The following RASSF6 variants were observed in gnomAD, a reference collection of about 807,000 sequenced individuals.
The protein encoded by RASSF6 is Ras association domain family member 6.
Under a neutral mutation model 44.0 loss-of-function variants are expected in RASSF6, and 52 were observed. That is an observed-to-expected ratio of 1.18 (90% confidence interval 0.95 to 1.49). The LOEUF (loss-of-function observed/expected upper bound fraction) is 1.49, where lower values mean the gene tolerates loss of function less well. Among genes scored for constraint, RASSF6 ranks in the 40% most tolerant of loss-of-function variants. RASSF6 has a pLI of 0.00. For synonymous variants in RASSF6, 162 were observed against 124.6 expected, an observed-to-expected ratio of 1.30 and a Z score of -2.00; for missense variants, 464 against 393.3, an observed-to-expected ratio of 1.18 and a Z score of -1.52.
rs572755171 is a variant in RASSF6, at chr4:73,591,039, G to A, written c.287+2412C>T. 9.2e-5 allele frequency among the ~76,000 whole-genome samples: 14 copies of A among 152,240 alleles called. No individual in the cohort carries two copies. In the South Asian group the frequency reaches 2.9e-3, roughly 32 times the overall value. ...GAAACTCATCCAAAAATTCAGAATT[G>A]CTAGGAACAAGTGTTTTAAATTTGA... On this transcript the variant is annotated intron_variant, in intron 4 of 10. Transcript: ENST00000307439.
chr4:73,576,337 T>A (rs1463452301), intron 10 of RASSF6, 27 bp from the exon 11 acceptor site: 1 of 1,503,948 alleles, frequency 6.6e-7, no homozygotes, highest in South Asian at 1.2e-5. Flanking sequence ...GAAAGACTAT[T>A]AAAAATTGGA....
rs1404352780 is a variant in RASSF6 at position 73,571,944 on chromosome 4, TA to T, written c.*4290del. ...TAAACTATTTTTTTCCCAGAAATTGTATGAGCTATACATTGCTATGTAACAA... is the reference window on the plus strand; with the variant it reads ...TAAACTATTTTTTTCCCAGAAATTGTTGAGCTATACATTGCTATGTAACAA... On this transcript the variant is annotated 3_prime_UTR_variant, in exon 11 of 11. Coordinates refer to ENST00000307439, the MANE Select transcript of RASSF6 (RefSeq NM_177532.5). 2.0e-5 allele frequency: 3 copies of T among 152,230 alleles called. No individual in the cohort carries two copies. The highest frequency in any genetic ancestry group is 7.2e-5 in the African/African-American group (3 of 41,458). 9.4% of individuals were successfully genotyped at this position (152,230 alleles called of 1,614,324 possible). A position where few individuals can be genotyped will look rare whatever the true frequency, so the allele number is the denominator to read the frequency against.
At chr4:73,620,480 G>T (rs745627507), upstream of RASSF6, 2 of 1,546,450 alleles carry the variant, frequency 1.3e-6, no homozygotes, top group Admixed American at 2.0e-5. Context: ...CAGGGGCGGC[G>T]CCTGTCTCCT....
intron 1 of RASSF6, chr4:73,615,962 C>G (rs924183220): frequency 2.6e-6 from 4 of 1,543,580 alleles, no homozygotes; most frequent in East Asian, 2.4e-5. Flanking sequence ...TCAAATGGGT[C>G]AGTCATTTAA....
intron 6 of RASSF6, among the ~76,000 whole-genome samples, chr4:73,582,986 T>G (rs919234650): frequency 1.2e-4 from 19 of 152,134 alleles, no homozygotes; most frequent in African/African-American, 4.3e-4. Context: ...AGAGCATTGA[T>G]AAGTTATTCT....
chr4:73,602,976 T>C (rs1725381305), intron 2 of RASSF6, among the ~76,000 whole-genome samples: 1 of 152,054 alleles, frequency 6.6e-6, no homozygotes, highest in Non-Finnish European at 1.5e-5. Context: ...TAGTCCCAGC[T>C]ACTCAGGAGG....
intron 2 of RASSF6, among the ~76,000 whole-genome samples, chr4:73,610,371 CT>C (rs1387437639): frequency 6.6e-6 from 1 of 152,176 alleles, no homozygotes; most frequent in Non-Finnish European, 1.5e-5. Flanking sequence ...CTCTTGTCCC[CT>C]CTCTACTCTG....
chr4:73,606,638 A>G (rs1725658098), intron 2 of RASSF6, among the ~76,000 whole-genome samples: 1 of 18,308 alleles, frequency 5.5e-5, no homozygotes, highest in Non-Finnish European at 1.2e-4. Context: ...CAAGCCTTAT[A>G]GTTTTTTTTT....
chr4:73,616,887 T>G (rs1400765845), intron 1 of RASSF6, among the ~76,000 whole-genome samples: 1 of 152,110 alleles, frequency 6.6e-6, no homozygotes, highest in African/African-American at 2.4e-5. Flanking sequence ...AACCTTGGAG[T>G]AGAGAAGAGC....
chr4:73,607,739 TCCA>T (rs74680878), intron 2 of RASSF6, among the ~76,000 whole-genome samples: 145,334 of 147,288 alleles, frequency 0.99, 71,733 homozygotes, highest in Middle Eastern at 1. Context: ...TAAAGAACCC[TCCA>T]GGTGGTTCTG....
chr4:73,573,375 AC>A lies in RASSF6; in HGVS notation c.*2859del. Reference sequence around the variant, plus strand: ...AATCCCAACCTCAAGTGATCCACCTACCTTGGCCTCCTAAAGTGCTGGGATT... The same window carrying A: ...AATCCCAACCTCAAGTGATCCACCTACTTGGCCTCCTAAAGTGCTGGGATT... On this transcript the variant is annotated 3_prime_UTR_variant, in exon 11 of 11. Transcript: ENST00000307439. 3.9e-5 allele frequency: 6 copies of A among 152,244 alleles called. No homozygotes were observed. In the South Asian group the frequency reaches 1.2e-3, roughly 32 times the overall value. The allele number at this position is 152,244 out of a possible 1,614,324, so 9.4% of individuals were successfully genotyped here.
chr4:73,614,358 G>A (rs1726210507), intron 1 of RASSF6, among the ~76,000 whole-genome samples: 1 of 152,184 alleles, frequency 6.6e-6, no homozygotes, highest in Non-Finnish European at 1.5e-5. Flanking sequence ...TAACAGGTGA[G>A]GACTTTAGGA....
intron 3 of RASSF6, among the ~76,000 whole-genome samples, chr4:73,594,311 T>C (rs887598254): frequency 6.6e-6 from 1 of 152,246 alleles, no homozygotes; most frequent in Non-Finnish European, 1.5e-5. Flanking sequence ...ACAAAAGTCA[T>C]ATGCCAGCCA....
intron 3 of RASSF6, among the ~76,000 whole-genome samples, chr4:73,593,919 T>A (rs1288968174): frequency 6.6e-6 from 1 of 152,208 alleles, no homozygotes; most frequent in East Asian, 1.9e-4. Context: ...TTGTTTAATT[T>A]AAAATTAAAG....
intron 1 of RASSF6, among the ~76,000 whole-genome samples, chr4:73,612,301 TCTC>T (rs1037115649): frequency 2.6e-5 from 4 of 152,116 alleles, no homozygotes; most frequent in African/African-American, 9.7e-5. Flanking sequence ...ATGTGAATAA[TCTC>T]CTCCTTTATA....
rs555025268 is a variant in RASSF6, at chr4:73,619,779, A to G, written c.-35+509T>C. 4.0e-5 allele frequency among the ~76,000 whole-genome samples: 6 copies of G among 150,876 alleles called. No homozygotes were observed. The East Asian group carries it at 8.2e-4, about 21-fold the overall frequency. On this transcript the variant is annotated intron_variant, in intron 1 of 10. Transcript: ENST00000307439. ...ATTTCATTGTTTGGTGAGCGCTTAT[A>G]TTGAAAATTCATTTTTTTTTTGGTG...
intron 8 of RASSF6, among the ~76,000 whole-genome samples, chr4:73,581,230 T>TA (rs573274957): frequency 7.2e-5 from 11 of 152,302 alleles, no homozygotes; most frequent in Admixed American, 2.0e-4. Flanking sequence ...TGTGAAGTTT[T>TA]AAAAACTTTC....
At chr4:73,600,183 C>T (rs1005532268) in intron 2 of RASSF6, among the ~76,000 whole-genome samples, 4 of 152,118 alleles carry the variant, frequency 2.6e-5, no homozygotes, top group Non-Finnish European at 1.5e-5. Flanking sequence ...TTACTTATTT[C>T]CTTATGTTCT....
upstream of RASSF6, chr4:73,620,437 AC>A: frequency 1.3e-6 from 2 of 1,545,876 alleles, no homozygotes; most frequent in South Asian, 2.4e-5. Flanking sequence ...CGAGTCACTC[AC>A]CTGTAGGGGA....
Sources: allele counts gnomAD v4.1 joint callset (sites outside exome capture counted in the v4.1 genomes callset), GRCh38; gene constraint gnomAD v4.1.1; transcripts MANE v1.5; gene names NCBI Gene and HGNC (gene_info 2026-07-23, HGNC 2026-07-21).